The following SHPRH variants were observed in gnomAD, a reference collection of about 807,000 sequenced individuals.
The protein encoded by SHPRH is SNF2 histone linker PHD RING helicase.
A neutral mutation model predicts 202.5 loss-of-function variants in SHPRH; 106 were observed. The observed-to-expected ratio is 0.52, with a 90% CI of 0.45 to 0.62. SHPRH has a LOEUF of 0.62. Ranked by LOEUF, SHPRH falls within the 20% of genes least tolerant of loss-of-function variation. The pLI, the probability that SHPRH is intolerant of heterozygous loss-of-function variation, is 0.00. For synonymous variants in SHPRH, 729 were observed against 686.0 expected, an observed-to-expected ratio of 1.06 and a Z score of -0.98; for missense variants, 1,710 against 2,020.0, an observed-to-expected ratio of 0.85 and a Z score of 2.94.
chr6:145,868,726 G>A (rs966920528), intron 2 of SHPRH, among the ~76,000 whole-genome samples: 1 of 152,160 alleles, frequency 6.6e-6, no homozygotes, highest in African/African-American at 2.4e-5. Flanking sequence ...GAAGAAGGAT[G>A]TACAGCCTCA....
At position 145,952,432 on chromosome 6, in the gene SHPRH, A is replaced by G. The variant is rs1448783559; in HGVS notation, c.680T>C (p.Leu227Ser). The change falls in exon 3 of 30, where the codon TTG (leucine) becomes TCG (serine). Residue 227 changes from leucine (L) to serine (S), a missense_variant. Leu to Ser is a moderately radical substitution (Grantham distance 145, BLOSUM62 -2). Transcript: ENST00000275233. ...LEAGLAKLDF[L>S]SDANSRMKKF... ...TTTCATTCTTGAATTTGCATCACTC[A>G]AGAAGTCTAGTTTTGCTAGGCCAGC... 1.9e-6 allele frequency: 3 copies of G among 1,610,294 alleles called. No homozygotes were observed. Among genetic ancestry groups the G allele is most frequent in the Non-Finnish European group, 2.5e-6 (3 of 1,178,068 alleles).
intron 2 of SHPRH, among the ~76,000 whole-genome samples, chr6:145,878,705 G>A (rs574823879): frequency 2.6e-5 from 4 of 152,202 alleles, no homozygotes; most frequent in South Asian, 2.1e-4. Context: ...TGAGAAAAAC[G>A]CTAATACTTT....
At chr6:145,919,590 T>G in intron 21 of SHPRH, 99 bp from the exon 22 acceptor site, 1 of 1,396,736 alleles carries the variant, frequency 7.2e-7, no homozygotes, top group South Asian at 1.4e-5. Context: ...CAATGAGATC[T>G]TACACTTTTT....
intron 2 of SHPRH, among the ~76,000 whole-genome samples, chr6:145,866,697 G>C (rs1356952640): frequency 6.6e-6 from 1 of 152,222 alleles, no homozygotes; most frequent in African/African-American, 2.4e-5. Flanking sequence ...CAGGGACGTA[G>C]ATACTTGACA....
chr6:145,963,904 T>G lies in SHPRH; in HGVS notation c.-206A>C, dbSNP rs1789373761. The stretch of plus-strand genomic sequence containing the variant: ...TCGAGACAAACACCGCAGGCCCCAG[T>G]GCATGAGGAGAAGCACAGCCTCCTT... On this transcript the variant is annotated 5_prime_UTR_variant, in exon 1 of 30. Transcript: ENST00000275233. 6.6e-6 allele frequency: 1 copy of G among 152,220 alleles called. No homozygotes were observed. The allele number at this position is 152,220 out of a possible 1,614,324, so 9.4% of individuals were successfully genotyped here.
At chr6:145,867,863 T>C in intron 2 of SHPRH, among the ~76,000 whole-genome samples, 1 of 151,972 alleles carries the variant, frequency 6.6e-6, no homozygotes, top group Admixed American at 6.6e-5. Context: ...ACTCAGTTCA[T>C]GGAAATTTGT....
chr6:145,919,269 A>C (rs1784217995), intron 22 of SHPRH, 79 bp downstream of exon 22: 13 of 1,567,608 alleles, frequency 8.3e-6, no homozygotes, highest in Non-Finnish European at 1.1e-5. Context: ...CAGTGCCCTG[A>C]TTCTGCCTTT....
chr6:145,928,340 A>G (rs970522884), intron 14 of SHPRH, among the ~76,000 whole-genome samples: 2 of 151,978 alleles, frequency 1.3e-5, no homozygotes. Context: ...GTAAATTATA[A>G]ATACTATTAA....
rs756432908 is a variant in SHPRH, at chr6:145,885,651, C to T, written c.*1040G>A. On this transcript the variant is annotated 3_prime_UTR_variant, in exon 30 of 30. Coordinates refer to ENST00000275233, the MANE Select transcript of SHPRH (RefSeq NM_001042683.3). ...ATTCCTCACAGAAGAAGAAACACTT[C>T]GTTATTATCACTTGCAACGATTTGC... The T allele has an allele frequency of 4.6e-5, 7 of 152,134 alleles. No homozygotes were observed. The highest frequency in any genetic ancestry group is 9.7e-5 in the African/African-American group (4 of 41,440). The allele number at this position is 152,134 out of a possible 1,614,324, so 9.4% of individuals were successfully genotyped here.
At chr6:145,865,855 G>A (rs1307719397) in intron 2 of SHPRH, among the ~76,000 whole-genome samples, 1 of 151,690 alleles carries the variant, frequency 6.6e-6, no homozygotes, top group African/African-American at 2.4e-5. Flanking sequence ...TTTCTTTTTT[G>A]GTAACTTTCT....
chr6:145,868,684 A>G (rs540320136), intron 2 of SHPRH, among the ~76,000 whole-genome samples: 1 of 152,270 alleles, frequency 6.6e-6, no homozygotes, highest in South Asian at 2.1e-4. Flanking sequence ...TCATCCCTCT[A>G]GTCTTTTGCT....
chr6:145,924,247 G>C (rs1784676587), intron 17 of SHPRH, among the ~76,000 whole-genome samples: 1 of 151,448 alleles, frequency 6.6e-6, no homozygotes, highest in Non-Finnish European at 1.5e-5. Context: ...GAATGAATTA[G>C]AAAGACAAAA....
intron 29 of SHPRH, among the ~76,000 whole-genome samples, chr6:145,887,631 G>A (rs1463404606): frequency 6.6e-6 from 1 of 151,558 alleles, no homozygotes; most frequent in Non-Finnish European, 1.5e-5. Flanking sequence ...CACCTCCGGG[G>A]TTCAAGCGAT....
chr6:145,943,023 T>A, intron 9 of SHPRH, 120 bp downstream of exon 9: 1 of 1,166,850 alleles, frequency 8.6e-7, no homozygotes, highest in Non-Finnish European at 1.2e-6. Flanking sequence ...GATTTAACAT[T>A]ACTATTAAAT....
chr6:145,878,113 G>A (rs1284364972), intron 2 of SHPRH: 2 of 152,158 alleles, frequency 1.3e-5, no homozygotes, highest in Non-Finnish European at 2.9e-5. Flanking sequence ...TACAAGTCAT[G>A]TGGTGTAAAG....
At position 145,943,370 on chromosome 6, in the gene SHPRH, G is replaced by T. The variant is rs369914151; in HGVS notation, c.2011C>A (p.Arg671Ser). 6 of 1,613,832 alleles carry T rather than the reference G, an allele frequency of 3.7e-6. No individual in the cohort carries two copies. Among genetic ancestry groups the T allele is most frequent in the Non-Finnish European group, 5.1e-6 (6 of 1,179,952 alleles). ...TTCAGGCATTGAACACGAGGCTTAC[G>T]ATCTATCTGATCAAGTTCACCACAT... ...CICGELDQID[R>S]KPRVQCLKCH... Residue 671 changes from arginine to serine, a missense_variant, in exon 9 of 30, where the codon CGT (arginine) becomes AGT (serine). Around this residue, in one of 8 missense-constraint regions of SHPRH, gnomAD observed 348 missense variants for 356.9 expected, o/e 0.97. Transcript: ENST00000275233.
chr6:145,879,442 T>C (rs1052834447), intron 2 of SHPRH, among the ~76,000 whole-genome samples: 3 of 152,182 alleles, frequency 2.0e-5, no homozygotes, highest in African/African-American at 7.2e-5. Flanking sequence ...TATTTAAATA[T>C]AGGACTTAAA....
intron 2 of SHPRH, among the ~76,000 whole-genome samples, chr6:145,879,147 ACT>A (rs1422303931): frequency 1.3e-5 from 2 of 152,004 alleles, no homozygotes; most frequent in Non-Finnish European, 2.9e-5. Flanking sequence ...TAACTACATG[ACT>A]CTGCTCTGTT....
downstream of SHPRH, chr6:145,881,550 A>T (rs1454644378): frequency 6.6e-6 from 1 of 152,184 alleles, no homozygotes; most frequent in East Asian, 1.9e-4. Context: ...TCCCTTTAAG[A>T]ATCTGACAAT....
Sources: allele counts gnomAD v4.1 joint callset (sites outside exome capture counted in the v4.1 genomes callset), GRCh38; gene constraint gnomAD v4.1.1; regional missense constraint gnomAD v4.1.1; transcripts MANE v1.5; gene names NCBI Gene and HGNC (gene_info 2026-07-23, HGNC 2026-07-21).